The following IFI44L variants were observed in gnomAD, a reference collection of about 807,000 sequenced individuals.
The protein encoded by IFI44L is interferon induced protein 44 like.
IFI44L carries 40 observed loss-of-function variants against 39.3 expected under a neutral mutation model. That is an observed-to-expected ratio of 1.02 (90% CI 0.79 to 1.33). IFI44L has a LOEUF of 1.33. Ranked by LOEUF, IFI44L falls within the 40% of genes most tolerant of loss-of-function variation. IFI44L has a pLI of 0.00. For missense variants in IFI44L, 623 were observed against 549.0 expected, an observed-to-expected ratio of 1.13 and a Z score of -1.35; for synonymous variants, 198 against 182.3, an observed-to-expected ratio of 1.09 and a Z score of -0.69.
intron 6 of IFI44L, among the ~76,000 whole-genome samples, chr1:78,639,928 C>T (rs982293285): frequency 1.3e-5 from 2 of 152,036 alleles, no homozygotes; most frequent in South Asian, 2.1e-4. Flanking sequence ...ACTTTGACCT[C>T]GAGAAAGGTA....
intron 7 of IFI44L, 149 bp downstream of exon 7, chr1:78,641,270 A>G: frequency 4.5e-6 from 4 of 883,878 alleles, no homozygotes; most frequent in Non-Finnish European, 3.5e-6. Flanking sequence ...ATTAATTCAA[A>G]TTTATATCAC....
chr1:78,641,563 G>A lies in IFI44L; in HGVS notation c.1278G>A (p.Leu426=). 3 of 1,613,700 alleles carry A rather than the reference G, an allele frequency of 1.9e-6. No homozygotes were observed. The highest frequency in any genetic ancestry group is 2.5e-6 in the Non-Finnish European group (3 of 1,179,698). ...ILILSALRQM[L]RAADDFLEDL... ...TCCTCTCTGCACTGAGGCAGATGCT[G>A]CGGGCTGCAGATGATTTTTTAGAAG... The change falls in exon 8 of 9, where the codon CTG becomes CTA. Residue 426 remains leucine, a synonymous_variant. Transcript: ENST00000370751.
Position 78,628,089 on chromosome 1 carries a change from C to T in IFI44L, c.174C>T (p.Tyr58=), listed in dbSNP as rs1489390051. The change falls in exon 2 of 9, where the codon TAC becomes TAT. Residue 58 remains tyrosine (Y), a synonymous_variant. Coordinates refer to ENST00000370751, the MANE Select transcript of IFI44L (RefSeq NM_006820.4). The stretch of plus-strand genomic sequence containing the variant: ...CTATAACAATGGCTTACATTGATTA[C>T]AATATGATTGTAGCCTTTATGCTTG... ...GCTITMAYID[Y]NMIVAFMLGN... is the part of the protein sequence containing the mutation. 6.2e-7 allele frequency: 1 copy of T among 1,612,830 alleles called. No homozygotes were observed. The highest frequency in any genetic ancestry group is 1.3e-5 in the African/African-American group (1 of 74,844).
Position 78,643,941 on chromosome 1 carries a change from T to C in IFI44L, c.*2132T>C, listed in dbSNP as rs899998753. ...GCTTAAAGGGCAAGTTGGTTAGTAC[T>C]TAGCTGTGTTTTTATTCAAAGTCTA... is the stretch of plus-strand genomic sequence containing the variant. On this transcript the variant is annotated 3_prime_UTR_variant, in exon 9 of 9. Coordinates refer to ENST00000370751, the MANE Select transcript of IFI44L (RefSeq NM_006820.4). 6 of 152,164 alleles carry C rather than the reference T, an allele frequency of 3.9e-5. No homozygotes were observed. Among genetic ancestry groups the C allele is most frequent in the East Asian group, 1.9e-4 (1 of 5,192 alleles). 9.4% of individuals were successfully genotyped at this position (152,164 alleles called of 1,614,324 possible). A position where few individuals can be genotyped will look rare whatever the true frequency, so the allele number is the denominator to read the frequency against.
At chr1:78,629,473 G>T (rs2100486344) in intron 3 of IFI44L, among the ~76,000 whole-genome samples, 1 of 152,190 alleles carries the variant, frequency 6.6e-6, no homozygotes, top group East Asian at 1.9e-4. Context: ...TTGAAAAATG[G>T]TTTGGTTGCA....
intron 4 of IFI44L, among the ~76,000 whole-genome samples, chr1:78,635,118 G>A (rs567415010): frequency 6.6e-6 from 1 of 150,724 alleles, no homozygotes; most frequent in Admixed American, 6.6e-5. Flanking sequence ...ATTTTTTTCA[G>A]TTGTAATTTC....
chr1:78,638,032 T>C (rs1449061365), intron 6 of IFI44L, among the ~76,000 whole-genome samples: 2 of 152,142 alleles, frequency 1.3e-5, no homozygotes, highest in African/African-American at 4.8e-5. Context: ...AGAGGGACTG[T>C]ACCATTTTAC....
At chr1:78,639,655 A>G (rs1229146458) in intron 6 of IFI44L, among the ~76,000 whole-genome samples, 1 of 152,094 alleles carries the variant, frequency 6.6e-6, no homozygotes. Context: ...TGATTTATGC[A>G]TAATGTCCAG....
chr1:78,634,114 G>C (rs1652853094), intron 4 of IFI44L, among the ~76,000 whole-genome samples: 1 of 151,800 alleles, frequency 6.6e-6, no homozygotes, highest in African/African-American at 2.4e-5. Flanking sequence ...AGTTACAAGG[G>C]GGAAAGGAGA....
intron 1 of IFI44L, 121 bp downstream of exon 1, chr1:78,620,692 A>T (rs1652242628): frequency 1.3e-5 from 2 of 152,202 alleles, no homozygotes; most frequent in South Asian, 4.1e-4. Flanking sequence ...CCATCACCTC[A>T]ACCATTTATC....
At position 78,637,131 on chromosome 1, in the gene IFI44L, A is replaced by G; in HGVS notation, c.976A>G (p.Asn326Asp). Residue 326 changes from asparagine to aspartate, a missense_variant, in exon 6 of 9, where the codon AAC (asparagine) becomes GAC (aspartate). Transcript: ENST00000370751. ...CTGTGTGGCTTATGTCTTAGACATC[A>G]ACTCTATTGACAATCTCTACTCTAA... Reference protein sequence around the residue: ...IHCVAYVLDINSIDNLYSKML... With the variant: ...IHCVAYVLDIDSIDNLYSKML... 1 of 1,608,748 alleles carries G rather than the reference A, an allele frequency of 6.2e-7. No homozygotes were observed. The highest frequency in any genetic ancestry group is 8.5e-7 in the Non-Finnish European group (1 of 1,177,738).
At chr1:78,628,860 G>T (rs1652606074) in intron 2 of IFI44L, 91 bp from the exon 3 acceptor site, 2 of 882,264 alleles carry the variant, frequency 2.3e-6, no homozygotes, top group East Asian at 4.9e-5. Context: ...GGTTATGCAA[G>T]AAAACTCCAT....
intron 1 of IFI44L, among the ~76,000 whole-genome samples, chr1:78,625,452 C>A (rs1002896013): frequency 6.6e-6 from 1 of 151,944 alleles, no homozygotes; most frequent in African/African-American, 2.4e-5. Context: ...ACCATTTTAT[C>A]GTTTATCATT....
Position 78,637,042 on chromosome 1 carries a change from G to A in IFI44L, c.887G>A (p.Arg296His), listed in dbSNP as rs61729831. ...ATGTTTTTATAACAGTTTAATTCCC[G>A]TAAACCAATTACACCTGAGCATTCT... Reference protein sequence around the residue: ...CMPDRYQFNSRKPITPEHSTF... With the variant: ...CMPDRYQFNSHKPITPEHSTF... The change falls in exon 6 of 9, where the codon CGT (arginine) becomes CAT (histidine). Residue 296 changes from arginine (R) to histidine (H), a missense_variant. By Grantham distance (29) the Arg-to-His change is conservative. Transcript: ENST00000370751. 9.1e-4 allele frequency: 1,462 copies of A among 1,609,528 alleles called. 14 individuals carry two copies. The African/African-American group carries it at 0.016, about 17-fold the overall frequency.
At position 78,628,074 on chromosome 1, in the gene IFI44L, G is replaced by A. The variant is rs1340478199; in HGVS notation, c.159G>A (p.Met53Ile). 1.9e-6 allele frequency: 3 copies of A among 1,613,108 alleles called. No homozygotes were observed. In the East Asian group the frequency reaches 6.7e-5, roughly 36 times the overall value. ...GCCGTCAGGGATGTACTATAACAAT[G>A]GCTTACATTGATTACAATATGATTG... The part of the protein sequence containing the change: ...RCSRQGCTIT[M>I]AYIDYNMIVA... Residue 53 changes from methionine to isoleucine, a missense_variant, in exon 2 of 9, where the codon ATG (methionine) becomes ATA (isoleucine). Transcript: ENST00000370751.
intron 4 of IFI44L, among the ~76,000 whole-genome samples, chr1:78,632,445 G>C (rs192584704): frequency 2.0e-5 from 3 of 152,090 alleles, no homozygotes; most frequent in Admixed American, 2.0e-4. Context: ...AGGAAGATCT[G>C]GATAACCCAG....
At chr1:78,630,053 C>T (rs756154537) in intron 4 of IFI44L, 138 bp downstream of exon 4, 1 of 801,146 alleles carries the variant, frequency 1.2e-6, no homozygotes, top group East Asian at 2.7e-5. Context: ...AAATTTTGAT[C>T]AGAACCACCT....
chr1:78,622,253 A>C (rs1398770985), intron 1 of IFI44L, among the ~76,000 whole-genome samples: 2 of 152,180 alleles, frequency 1.3e-5, no homozygotes, highest in Admixed American at 1.3e-4. Flanking sequence ...GCTGCAAATG[A>C]CATGATTTTA....
At chr1:78,635,947 G>T in intron 5 of IFI44L, 1 of 158,498 alleles carries the variant, frequency 6.3e-6, no homozygotes, top group Non-Finnish European at 1.3e-5. Flanking sequence ...CCCGTAAGTT[G>T]CACACTTCTC....
Sources: allele counts gnomAD v4.1 joint callset (sites outside exome capture counted in the v4.1 genomes callset), GRCh38; gene constraint gnomAD v4.1.1; transcripts MANE v1.5; gene names NCBI Gene and HGNC (gene_info 2026-07-23, HGNC 2026-07-21).